Variants in MED14 observed in about 807,000 individuals in gnomAD.
The protein encoded by MED14 is mediator of RNA polymerase II transcription subunit 14.
Under a neutral mutation model 109.0 loss-of-function variants are expected in MED14, and 8 were observed. The ratio of observed to expected loss-of-function variants is 0.07; its 90% CI spans 0.04 to 0.13. The LOEUF is 0.13. Among genes scored for constraint, MED14 ranks in the 10% least tolerant of loss-of-function variants. MED14 has a pLI of 1.00. For missense variants in MED14, 711 were observed against 1,142.4 expected (o/e 0.62, Z 5.44); for synonymous variants, 399 against 408.7 (o/e 0.98, Z 0.29).
chrX:40,734,202 G>C (rs780060188), intron 1 of MED14, among the ~76,000 whole-genome samples: 2 of 111,845 alleles, frequency 1.8e-5, no homozygotes, highest in Non-Finnish European at 3.8e-5. Flanking sequence ...CCCTAAACCT[G>C]ACAGCGATTT....
In MED14 at chrX:40,648,936, AG is replaced by A. The variant is rs1378711630; in HGVS notation, c.*2869del. ...AACCGAATGAAAAAAAAATTCCACA[AG>A]AAACAATGAAATACACATTAACATT... On this transcript the variant is annotated 3_prime_UTR_variant, in exon 31 of 31. Coordinates refer to ENST00000324817, the MANE Select transcript of MED14 (RefSeq NM_004229.4). 8.9e-6 allele frequency: 1 copy of A among 112,473 alleles called. No homozygotes were observed. Among genetic ancestry groups the A allele is most frequent in the African/African-American group, 3.2e-5 (1 of 30,905 alleles). The allele number at this position is 112,473 out of a possible 1,213,427, so 9.3% of individuals were successfully genotyped here. A position where few individuals can be genotyped will look rare whatever the true frequency, so the allele number is the denominator to read the frequency against.
At position 40,651,668 on chromosome X, in the gene MED14, G is replaced by A; in HGVS notation, c.*138C>T. On this transcript the variant is annotated 3_prime_UTR_variant, in exon 31 of 31. Transcript: ENST00000324817. ...CATTTTGATGAAAGAAGTGCACCCT[G>A]AAAATTTTTGCCAGTTTAGAATATT... 9.5e-7 allele frequency: 1 copy of A among 1,051,821 alleles called. No homozygotes were observed. The allele number at this position is 1,051,821 out of a possible 1,213,427, so 86.7% of individuals were successfully genotyped here.
chrX:40,684,851 G>A (rs966376689), intron 16 of MED14, among the ~76,000 whole-genome samples: 3 of 112,169 alleles, frequency 2.7e-5, no homozygotes, highest in Admixed American at 9.5e-5. Flanking sequence ...AACCCTGAAA[G>A]TGCACTGTAT....
chrX:40,665,029 T>G (rs1028347163), intron 24 of MED14, among the ~76,000 whole-genome samples: 11 of 111,907 alleles, frequency 9.8e-5, no homozygotes, highest in Non-Finnish European at 2.1e-4. Flanking sequence ...TATTCAAAAA[T>G]AAAAAATAAA....
chrX:40,698,528 C>A (rs1930805085), intron 12 of MED14, among the ~76,000 whole-genome samples: 1 of 112,136 alleles, frequency 8.9e-6, no homozygotes, highest in Non-Finnish European at 1.9e-5. Flanking sequence ...ATTATATTTA[C>A]TGAAGTATAA....
intron 20 of MED14, 48 bp downstream of exon 20, chrX:40,680,710 G>A (rs1362633013): frequency 1.8e-6 from 2 of 1,082,230 alleles, no homozygotes; most frequent in African/African-American, 1.8e-5. Flanking sequence ...GAACCAGCAC[G>A]GCTGGCATAC....
At chrX:40,692,960 T>A in intron 13 of MED14, 58 bp from the exon 14 acceptor site, 2 of 871,478 alleles carry the variant, frequency 2.3e-6, no homozygotes, top group Non-Finnish European at 3.1e-6. Context: ...GATATTTTCC[T>A]CCGTACATCA....
intron 24 of MED14, among the ~76,000 whole-genome samples, chrX:40,665,580 T>C (rs764512680): frequency 9.0e-6 from 1 of 111,164 alleles, no homozygotes; most frequent in East Asian, 2.8e-4. Context: ...CCAAAAAAGG[T>C]TCAATTTTCT....
chrX:40,677,287 A>C (rs1453669234), intron 21 of MED14, among the ~76,000 whole-genome samples: 1 of 112,220 alleles, frequency 8.9e-6, no homozygotes, highest in Non-Finnish European at 1.9e-5. Context: ...GCCCAACAAA[A>C]AGACCTAAAG....
Position 40,664,401 on chromosome X carries a change from G to A in MED14, c.3354C>T (p.Pro1118=), listed in dbSNP as rs1929405611. The A allele has an allele frequency of 8.3e-7, 1 of 1,201,520 alleles. No homozygotes were observed. The highest frequency in any genetic ancestry group is 1.8e-5 in the African/African-American group (1 of 56,635). ...TTCCAGGCATGCGTGCTGCTGGTGAGGGGCCAGACACTTGAGGAGATCCTG... is the reference window on the plus strand; with the variant it reads ...TTCCAGGCATGCGTGCTGCTGGTGAAGGGCCAGACACTTGAGGAGATCCTG... ...NWPGSPQVSG[P]SPAARMPGMS... Residue 1118 remains proline, a synonymous_variant, in exon 25 of 31, where the codon CCC becomes CCT. Coordinates refer to ENST00000324817, the MANE Select transcript of MED14 (RefSeq NM_004229.4).
chrX:40,730,248 C>T (rs1189426274), intron 1 of MED14, among the ~76,000 whole-genome samples: 1 of 112,159 alleles, frequency 8.9e-6, no homozygotes, highest in African/African-American at 3.2e-5. Flanking sequence ...TAGTTACCTC[C>T]TACTCTTAGG....
chrX:40,666,828 G>A lies in MED14; in HGVS notation c.3157C>T (p.Pro1053Ser), dbSNP rs1929506855. 1.7e-6 allele frequency: 2 copies of A among 1,181,214 alleles called. No individual in the cohort carries two copies. Among genetic ancestry groups the A allele is most frequent in the Non-Finnish European group, 2.3e-6 (2 of 879,999 alleles). Residue 1053 changes from proline (P) to serine (S), a missense_variant, in exon 24 of 31, where the codon CCC (proline) becomes TCC (serine). This residue lies in a region of MED14 where 100 missense variants were observed against 147.5 expected (regional missense o/e 0.68). Transcript: ENST00000324817. ...GATGGGGCTCTCAAAGCCCCACTGG[G>A]GGAGCTGGCAGCATGCAGATTTCCT... ...SPGNLHAASS[P>S]SGALRAPSPA... is the part of the protein sequence containing the mutation.
chrX:40,674,300 C>T (rs372750969), intron 22 of MED14, among the ~76,000 whole-genome samples: 16 of 111,575 alleles, frequency 1.4e-4, no homozygotes, highest in South Asian at 1.1e-3. Context: ...AAATAGCTGC[C>T]AGGAACAATA....
At chrX:40,728,476 G>C (rs1931966193) in intron 2 of MED14, among the ~76,000 whole-genome samples, 2 of 110,397 alleles carry the variant, frequency 1.8e-5, no homozygotes, top group Non-Finnish European at 3.8e-5. Context: ...GTTAAGTTGG[G>C]GTTGGCAATG....
intron 3 of MED14, among the ~76,000 whole-genome samples, chrX:40,721,415 A>AG (rs1340194691): frequency 8.9e-6 from 1 of 112,539 alleles, no homozygotes; most frequent in East Asian, 2.8e-4. Flanking sequence ...GCCTGTGGAA[A>AG]GGGGAGAGAA....
chrX:40,660,624 CA>C (rs202180884), intron 26 of MED14, among the ~76,000 whole-genome samples: 1,899 of 111,419 alleles, frequency 0.017, 22 homozygotes, highest in South Asian at 0.032. Context: ...GACATAGCAC[CA>C]GGGGCCGTAG....
chrX:40,733,480 C>T (rs1021412156), intron 1 of MED14, among the ~76,000 whole-genome samples: 3 of 111,790 alleles, frequency 2.7e-5, no homozygotes, highest in Non-Finnish European at 5.6e-5. Flanking sequence ...AAAGAATCAT[C>T]CTGGCTATTT....
intron 9 of MED14, among the ~76,000 whole-genome samples, chrX:40,709,735 CTTAAAA>C (rs1234407058): frequency 6.3e-5 from 7 of 110,684 alleles, no homozygotes; most frequent in African/African-American, 2.3e-4. Context: ...AATGCCAGAC[CTTAAAA>C]TTAAAATGGT....
At chrX:40,696,024 C>T (rs974648087) in intron 13 of MED14, among the ~76,000 whole-genome samples, 1 of 111,542 alleles carries the variant, frequency 9.0e-6, no homozygotes, top group Admixed American at 9.6e-5. Context: ...CCTCCTGCCT[C>T]GGCCTCCCAA....
Sources: allele counts gnomAD v4.1 joint callset (sites outside exome capture counted in the v4.1 genomes callset), GRCh38; gene constraint gnomAD v4.1.1; regional missense constraint gnomAD v4.1.1; transcripts MANE v1.5; gene names NCBI Gene and HGNC (gene_info 2026-07-23, HGNC 2026-07-21).